FILIP1L: variants seen among roughly 807,000 people sequenced by gnomAD.
FILIP1L encodes the protein filamin A interacting protein 1 like, also known as filamin A-interacting protein 1-like.
Under a neutral mutation model 96.6 loss-of-function variants are expected in FILIP1L, and 55 were observed. The observed-to-expected ratio is 0.57, with a 90% CI of 0.46 to 0.71. FILIP1L has a LOEUF of 0.71. Ranked by LOEUF, FILIP1L falls within the 30% of genes least tolerant of loss-of-function variation. FILIP1L has a pLI of 0.00. For synonymous variants in FILIP1L, 467 were observed against 473.9 expected (o/e 0.99, Z 0.19); for missense variants, 1,304 against 1,321.2 (o/e 0.99, Z 0.20).
chr3:99,846,624 A>G lies in FILIP1L; in HGVS notation c.3381+1671T>C, dbSNP rs141365990. On this transcript the variant is annotated intron_variant, in intron 5 of 5. Coordinates refer to ENST00000477258, the MANE Select transcript of FILIP1L (RefSeq NM_001387850.1). ...TCATCAGCAGCCTCAGCTTTCATCC[A>G]AATTTATTTAATGATGATGCAAGCC... Among the ~76,000 whole-genome samples the G allele has an allele frequency of 1.6e-3, 238 of 152,342 alleles. 2 individuals carry two copies. The Middle Eastern group carries it at 0.02, about 13-fold the overall frequency.
Position 99,850,597 on chromosome 3 carries a change from T to G in FILIP1L, c.1079A>C (p.Lys360Thr). The G allele has an allele frequency of 6.2e-7, 1 of 1,613,874 alleles. No individual in the cohort carries two copies. Among genetic ancestry groups the G allele is most frequent in the Non-Finnish European group, 8.5e-7 (1 of 1,180,030 alleles). Residue 360 changes from lysine (K) to threonine (T), a missense_variant, in exon 5 of 6, where the codon AAG becomes ACG. Physicochemically the swap from Lys to Thr is moderately conservative, Grantham distance 78 (BLOSUM62 -1). Transcript: ENST00000477258. ...GATACCAGCGTTTCCATATTCTCCC[T>G]TACTGATTTTTTCTTTTATATCTTG... ...ELQDIKEKIS[K>T]GEYGNAGIMA...
At chr3:100,035,277 T>G (rs1031607454) in intron 1 of FILIP1L, among the ~76,000 whole-genome samples, 3 of 152,016 alleles carry the variant, frequency 2.0e-5, no homozygotes, top group Non-Finnish European at 2.9e-5. Flanking sequence ...ATTATTAGTA[T>G]TATTATTATT....
At chr3:100,078,145 A>G (rs1475615129) in intron 1 of FILIP1L, among the ~76,000 whole-genome samples, 2 of 152,326 alleles carry the variant, frequency 1.3e-5, no homozygotes. Context: ...GTATACAAAC[A>G]TCATATTGGT....
chr3:99,833,036 C>T (rs1942748785), intron 5 of FILIP1L: 1 of 577,920 alleles, frequency 1.7e-6, no homozygotes, highest in Non-Finnish European at 3.1e-6. Flanking sequence ...ATGCATATGG[C>T]TCTTTTAAGA....
intron 1 of FILIP1L, among the ~76,000 whole-genome samples, chr3:100,037,939 C>G (rs372773455): frequency 2.0e-4 from 24 of 118,170 alleles, no homozygotes; most frequent in African/African-American, 7.4e-4. Flanking sequence ...AATCGCTTTT[C>G]TTTTTTTTTT....
intron 1 of FILIP1L, among the ~76,000 whole-genome samples, chr3:100,010,347 G>T (rs1710109161): frequency 6.6e-6 from 1 of 152,084 alleles, no homozygotes; most frequent in Non-Finnish European, 1.5e-5. Flanking sequence ...AAAAAGGCAT[G>T]TAACTGAGTA....
At chr3:99,975,541 G>T (rs1199902761) in intron 1 of FILIP1L, among the ~76,000 whole-genome samples, 1 of 151,372 alleles carries the variant, frequency 6.6e-6, no homozygotes, top group Non-Finnish European at 1.5e-5. Context: ...GCAGTGAGCC[G>T]AGGTCACACC....
chr3:99,897,972 A>G (rs1706312979), intron 4 of FILIP1L, among the ~76,000 whole-genome samples: 1 of 152,212 alleles, frequency 6.6e-6, no homozygotes. Flanking sequence ...AAGAAAAGAT[A>G]TCCTACCTCC....
chr3:100,098,083 A>G (rs1275115997), intron 1 of FILIP1L, among the ~76,000 whole-genome samples: 7 of 152,212 alleles, frequency 4.6e-5, no homozygotes, highest in Non-Finnish European at 8.8e-5. Flanking sequence ...GTCAGGGACT[A>G]CTTTGACTCT....
intron 1 of FILIP1L, among the ~76,000 whole-genome samples, chr3:100,054,488 T>TTTTGTTATG (rs2065427720): frequency 7.0e-6 from 1 of 142,588 alleles, no homozygotes; most frequent in Admixed American, 7.2e-5. Context: ...TTATGTTATG[T>TTTTGTTATG]TTTGTTATGT....
intron 1 of FILIP1L, among the ~76,000 whole-genome samples, chr3:99,933,817 G>T (rs1707569365): frequency 1.3e-5 from 2 of 152,230 alleles, no homozygotes; most frequent in African/African-American, 4.8e-5. Context: ...TACATAATGG[G>T]CATGCATTAG....
chr3:100,042,786 A>G (rs1482713302), intron 1 of FILIP1L, among the ~76,000 whole-genome samples: 1 of 152,222 alleles, frequency 6.6e-6, no homozygotes, highest in East Asian at 1.9e-4. Context: ...AACATGAGAA[A>G]TACACGTTTT....
chr3:99,943,957 A>T (rs1189641080), intron 1 of FILIP1L, among the ~76,000 whole-genome samples: 1 of 152,214 alleles, frequency 6.6e-6, no homozygotes, highest in Non-Finnish European at 1.5e-5. Context: ...CACATACAAG[A>T]TGCTGTGCCT....
At chr3:99,911,281 G>C (rs796274917) in intron 4 of FILIP1L, among the ~76,000 whole-genome samples, 17 of 150,180 alleles carry the variant, frequency 1.1e-4, no homozygotes, top group Admixed American at 3.3e-4. Context: ...TGTTTTGCTC[G>C]TAATAGTTTT....
chr3:99,874,984 C>G (rs768565210), intron 4 of FILIP1L, among the ~76,000 whole-genome samples: 1 of 152,130 alleles, frequency 6.6e-6, no homozygotes, highest in Non-Finnish European at 1.5e-5. Flanking sequence ...CCTATGAATT[C>G]TGAGTTTGAA....
At chr3:99,981,889 A>G (rs975298204) in intron 1 of FILIP1L, among the ~76,000 whole-genome samples, 1 of 152,190 alleles carries the variant, frequency 6.6e-6, no homozygotes, top group African/African-American at 2.4e-5. Context: ...CTGTAATCCC[A>G]GCAAGGCGGG....
intron 1 of FILIP1L, among the ~76,000 whole-genome samples, chr3:99,968,126 C>A (rs913501537): frequency 2.0e-5 from 3 of 152,110 alleles, no homozygotes; most frequent in African/African-American, 4.8e-5. Context: ...GGGCACCTAG[C>A]CTTACGTGGC....
chr3:99,854,412 C>T (rs1943852940), intron 4 of FILIP1L, among the ~76,000 whole-genome samples: 2 of 152,192 alleles, frequency 1.3e-5, no homozygotes, highest in South Asian at 4.1e-4. Flanking sequence ...TTCAAAGTAG[C>T]ATAGACCTTG....
At chr3:99,997,721 C>T (rs968387333) in intron 1 of FILIP1L, among the ~76,000 whole-genome samples, 4 of 152,122 alleles carry the variant, frequency 2.6e-5, no homozygotes, top group African/African-American at 9.7e-5. Context: ...TAGTTTAAAA[C>T]TTTGTACACA....
Sources: allele counts gnomAD v4.1 joint callset (sites outside exome capture counted in the v4.1 genomes callset), GRCh38; gene constraint gnomAD v4.1.1; transcripts MANE v1.5; gene names NCBI Gene and HGNC (gene_info 2026-07-23, HGNC 2026-07-21).